Variants in CD34 observed in about 807,000 individuals in gnomAD.
CD34 encodes CD34 molecule, also known as hematopoietic progenitor cell antigen CD34.
CD34 carries 34 observed loss-of-function variants against 40.1 expected under a neutral mutation model. The observed-to-expected ratio is 0.85, with a 90% CI of 0.65 to 1.13. The LOEUF (loss-of-function observed/expected upper bound fraction) is 1.13, where lower values mean the gene tolerates loss of function less well. Ranked by LOEUF, CD34 falls within the 50% of genes most tolerant of loss-of-function variation. CD34 has a pLI of 0.00. For missense variants in CD34, 426 were observed against 466.9 expected (o/e 0.91, Z 0.81); for synonymous variants, 209 against 190.0 (o/e 1.10, Z -0.82).
chr1:207,895,588 A>G (rs1477258703), intron 4 of CD34, among the ~76,000 whole-genome samples: 2 of 152,246 alleles, frequency 1.3e-5, no homozygotes, highest in Non-Finnish European at 2.9e-5. Context: ...CAAAGACCAC[A>G]GCAGAGTTAG....
intron 7 of CD34, chr1:207,888,134 C>T (rs749537660): frequency 6.2e-7 from 1 of 1,613,836 alleles, no homozygotes; most frequent in Non-Finnish European, 8.5e-7. Context: ...GGAGAAAGGA[C>T]ATAGGAGAGG....
At position 207,881,050 on chromosome 1, in the gene CD34, T is replaced by C. The variant is rs1287695436; in HGVS notation, c.*6688A>G. On this transcript the variant is annotated 3_prime_UTR_variant, in exon 8 of 8. Transcript: ENST00000310833. The stretch of plus-strand genomic sequence containing the variant: ...AGGTTCCAGTTTTTAAATTTGAGTT[T>C]ATTAAATTACATATAGCTGGAAGTC... 1 of 152,218 alleles carries C rather than the reference T, an allele frequency of 6.6e-6. No individual in the cohort carries two copies. The highest frequency in any genetic ancestry group is 1.5e-5 in the Non-Finnish European group (1 of 68,030). The allele number at this position is 152,218 out of a possible 1,614,324, so 9.4% of individuals were successfully genotyped here.
At chr1:207,901,839 T>A (rs369892187) in intron 1 of CD34, among the ~76,000 whole-genome samples, 30 of 152,288 alleles carry the variant, frequency 2.0e-4, no homozygotes, top group African/African-American at 7.0e-4. Context: ...GGCAGTTGCA[T>A]CTTCAAGGAA....
chr1:207,890,159 C>T (rs1662002563), intron 4 of CD34: 4 of 1,043,888 alleles, frequency 3.8e-6, no homozygotes, highest in Non-Finnish European at 4.6e-6. Flanking sequence ...ATTTTTGTCT[C>T]GTCTTCCATC....
At chr1:207,909,396 GTTTT>G (rs928621236) in intron 1 of CD34, among the ~76,000 whole-genome samples, 1 of 151,896 alleles carries the variant, frequency 6.6e-6, no homozygotes, top group Non-Finnish European at 1.5e-5. Context: ...CTGTTTTTTT[GTTTT>G]TTGTTTTTTG....
intron 7 of CD34, 137 bp downstream of exon 7, chr1:207,888,545 T>G (rs201272031): frequency 1.2e-6 from 1 of 845,342 alleles, no homozygotes. Context: ...TTACTGTGTG[T>G]GCACACATGC....
At chr1:207,896,407 G>A (rs1267443465) in intron 4 of CD34, among the ~76,000 whole-genome samples, 1 of 152,132 alleles carries the variant, frequency 6.6e-6, no homozygotes, top group Non-Finnish European at 1.5e-5. Context: ...CTACTAAACA[G>A]GAGGAGAAAA....
intron 1 of CD34, among the ~76,000 whole-genome samples, chr1:207,902,461 AT>A (rs1336978059): frequency 4.6e-5 from 7 of 152,138 alleles, no homozygotes; most frequent in African/African-American, 1.7e-4. Context: ...TCCTGTTTAG[AT>A]GGGACCCTCT....
chr1:207,906,910 A>G (rs1271660253), intron 1 of CD34, among the ~76,000 whole-genome samples: 2 of 152,100 alleles, frequency 1.3e-5, no homozygotes, highest in East Asian at 3.9e-4. Flanking sequence ...CTTACTGTGG[A>G]ACCCTAATTA....
Position 207,899,162 on chromosome 1 carries a change from A to G in CD34, c.327T>C (p.Ser109=). The part of the protein sequence containing the change: ...ITSVYGNTNS[S]VQSQTSVIST... ...TGATTACAGAGGTCTGTGACTGGACAGAAGAGTTTGTGTTTCCATAAACTG... is the reference window on the plus strand; with the variant it reads ...TGATTACAGAGGTCTGTGACTGGACGGAAGAGTTTGTGTTTCCATAAACTG... The change falls in exon 3 of 8, where the codon TCT becomes TCC. Residue 109 remains serine (S), a synonymous_variant. Coordinates refer to ENST00000310833, the MANE Select transcript of CD34 (RefSeq NM_001025109.2). 1 of 1,614,234 alleles carries G rather than the reference A, an allele frequency of 6.2e-7. No individual in the cohort carries two copies. The highest frequency in any genetic ancestry group is 8.5e-7 in the Non-Finnish European group (1 of 1,180,018).
Position 207,883,710 on chromosome 1 carries a change from A to C in CD34, c.*4028T>G, listed in dbSNP as rs1255109235. 1 of 152,210 alleles carries C rather than the reference A, an allele frequency of 6.6e-6. No homozygotes were observed. The highest frequency in any genetic ancestry group is 1.5e-5 in the Non-Finnish European group (1 of 68,036). 9.4% of individuals were successfully genotyped at this position (152,210 alleles called of 1,614,324 possible). A position where few individuals can be genotyped will look rare whatever the true frequency, so the allele number is the denominator to read the frequency against. ...ATATCTCAATTTTCATACAGTAAGCACTCAAAAACTGTTAGCTACTATCAT... is the reference window on the plus strand; with the variant it reads ...ATATCTCAATTTTCATACAGTAAGCCCTCAAAAACTGTTAGCTACTATCAT... On this transcript the variant is annotated 3_prime_UTR_variant, in exon 8 of 8. Transcript: ENST00000310833.
chr1:207,888,011 GCAGGGGTGGGAGAA>G, intron 7 of CD34, 88 bp from the exon 8 acceptor site: 1 of 1,537,962 alleles, frequency 6.5e-7, no homozygotes, highest in Non-Finnish European at 8.8e-7. Context: ...GGAAGTGGGG[GCAGGGGTGGGAGAA>G]GGGGGAGGGG....
intron 7 of CD34, 28 bp from the exon 8 acceptor site, chr1:207,887,951 T>G: frequency 6.2e-7 from 1 of 1,603,586 alleles, no homozygotes. Context: ...AAAGTAGCAT[T>G]ATCTGGTAAG....
rs967654212 is a variant in CD34, at chr1:207,901,412, C to T, written c.80-1409G>A. Among the ~76,000 whole-genome samples, 3 of 152,372 alleles carry T rather than the reference C, an allele frequency of 2.0e-5. No homozygotes were observed. In the East Asian group the frequency reaches 5.8e-4, roughly 29 times the overall value. On this transcript the variant is annotated intron_variant, in intron 1 of 7. Coordinates refer to ENST00000310833, the MANE Select transcript of CD34 (RefSeq NM_001025109.2). ...ACTGCAGCACAAGGGTGTACACCCC[C>T]AAGGCCCAGTGGTGGCCAAATGATG... is the stretch of plus-strand genomic sequence containing the variant.
intron 1 of CD34, among the ~76,000 whole-genome samples, chr1:207,904,630 A>C (rs1183380752): frequency 2.0e-5 from 3 of 149,166 alleles, no homozygotes; most frequent in Non-Finnish European, 4.4e-5. Context: ...AAAGTTCAAG[A>C]AATAGTGGAT....
rs1661923117 is a variant in CD34, at chr1:207,887,401, A to G, written c.*337T>C. On this transcript the variant is annotated 3_prime_UTR_variant, in exon 8 of 8. Coordinates refer to ENST00000310833, the MANE Select transcript of CD34 (RefSeq NM_001025109.2). ...TCATCTTTCCCCTGGGGGTTCCTGT[A>G]TTGCGGCAGAGAGGAGGGGGTAGGG... The G allele has an allele frequency of 4.1e-6, 1 of 245,342 alleles. No homozygotes were observed. The highest frequency in any genetic ancestry group is 7.8e-6 in the Non-Finnish European group (1 of 128,414). The allele number at this position is 245,342 out of a possible 1,614,324, so 15.2% of individuals were successfully genotyped here. A position where few individuals can be genotyped will look rare whatever the true frequency, so the allele number is the denominator to read the frequency against.
At chr1:207,903,077 G>T (rs1459594409) in intron 1 of CD34, among the ~76,000 whole-genome samples, 1 of 152,202 alleles carries the variant, frequency 6.6e-6, no homozygotes, top group Non-Finnish European at 1.5e-5. Context: ...TGCCTGAGCT[G>T]GTGCAGAGCA....
chr1:207,896,235 C>G (rs915564670), intron 4 of CD34, among the ~76,000 whole-genome samples: 13 of 152,204 alleles, frequency 8.5e-5, no homozygotes, highest in Middle Eastern at 6.8e-3. Flanking sequence ...TAAGTAAATA[C>G]CACTCTTTCC....
chr1:207,900,994 T>C (rs1662261343), intron 1 of CD34, among the ~76,000 whole-genome samples: 1 of 113,694 alleles, frequency 8.8e-6, no homozygotes, highest in African/African-American at 3.2e-5. Context: ...CTGGGATACA[T>C]ACTTTTTTTT....
Sources: allele counts gnomAD v4.1 joint callset (sites outside exome capture counted in the v4.1 genomes callset), GRCh38; gene constraint gnomAD v4.1.1; transcripts MANE v1.5; gene names NCBI Gene and HGNC (gene_info 2026-07-23, HGNC 2026-07-21).